LRRK1: variants seen among roughly 807,000 people sequenced by gnomAD.
LRRK1 encodes leucine-rich repeat serine/threonine-protein kinase 1.
In LRRK1, 113 loss-of-function variants were observed where a neutral mutation model predicts 209.1. That is an observed-to-expected ratio of 0.54 (90% CI 0.46 to 0.63). The LOEUF is 0.63. Ranked by LOEUF, LRRK1 falls within the 30% of genes least tolerant of loss-of-function variation. The probability of loss-of-function intolerance (pLI) is 0.00; values close to 1 mark genes in which losing one functional copy is unlikely to be tolerated. For missense variants in LRRK1, 2,284 were observed against 2,632.2 expected, an observed-to-expected ratio of 0.87 and a Z score of 2.89; for synonymous variants, 1,144 against 1,099.7, an observed-to-expected ratio of 1.04 and a Z score of -0.80.
At chr15:101,057,657 T>C (rs559731024) in intron 28 of LRRK1, among the ~76,000 whole-genome samples, 4 of 152,166 alleles carry the variant, frequency 2.6e-5, no homozygotes, top group Non-Finnish European at 4.4e-5. Context: ...TAGGCTATGG[T>C]GCGCCCTGAT....
chr15:101,065,231 G>A (rs981472757), intron 31 of LRRK1, 121 bp from the exon 32 acceptor site: 19 of 1,178,226 alleles, frequency 1.6e-5, no homozygotes, highest in African/African-American at 9.1e-5. Flanking sequence ...GCCCTGAGGC[G>A]CACTGGTGGA....
At chr15:100,973,479 G>A (rs528906005) in intron 2 of LRRK1, among the ~76,000 whole-genome samples, 1 of 152,178 alleles carries the variant, frequency 6.6e-6, no homozygotes, top group Non-Finnish European at 1.5e-5. Flanking sequence ...AAGCCCCTGC[G>A]CCTCCGCTGC....
At chr15:101,012,198 T>A in intron 10 of LRRK1, 53 bp downstream of exon 10, 1 of 1,479,520 alleles carries the variant, frequency 6.8e-7, no homozygotes, top group Non-Finnish European at 9.2e-7. Context: ...AGAAAATTGC[T>A]CCGTGTTGCA....
At position 101,072,229 on chromosome 15, in the gene LRRK1, A is replaced by G. The variant is rs1290082950; in HGVS notation, c.*3381A>G. 3 of 152,228 alleles carry G rather than the reference A, an allele frequency of 2.0e-5. No homozygotes were observed. Among genetic ancestry groups the G allele is most frequent in the Non-Finnish European group, 4.4e-5 (3 of 68,044 alleles). The allele number at this position is 152,228 out of a possible 1,614,324, so 9.4% of individuals were successfully genotyped here. ...CCCTCTGACCCAGCAGTTCCACTTAAGTATTTGGTCCTGAAATCTTGGTAA... is the reference window on the plus strand; with the variant it reads ...CCCTCTGACCCAGCAGTTCCACTTAGGTATTTGGTCCTGAAATCTTGGTAA... On this transcript the variant is annotated 3_prime_UTR_variant, in exon 34 of 34. Coordinates refer to ENST00000388948, the MANE Select transcript of LRRK1 (RefSeq NM_024652.6).
At chr15:101,000,131 C>G (rs1404253640) in intron 6 of LRRK1, among the ~76,000 whole-genome samples, 2 of 152,068 alleles carry the variant, frequency 1.3e-5, no homozygotes, top group Non-Finnish European at 2.9e-5. Context: ...AAACTGTCCC[C>G]CATTTTCTTG....
intron 2 of LRRK1, among the ~76,000 whole-genome samples, chr15:100,930,985 G>T (rs2141597776): frequency 6.6e-6 from 1 of 152,324 alleles, no homozygotes; most frequent in East Asian, 1.9e-4. Context: ...CCAATTCTGA[G>T]TCCCTTCACT....
chr15:101,008,459 G>C (rs1345395220), intron 6 of LRRK1, among the ~76,000 whole-genome samples: 1 of 152,188 alleles, frequency 6.6e-6, no homozygotes, highest in Non-Finnish European at 1.5e-5. Context: ...TTCTTCTCCA[G>C]TCTGGGGGAG....
intron 6 of LRRK1, among the ~76,000 whole-genome samples, chr15:101,007,433 TCC>T (rs1207570044): frequency 6.6e-6 from 1 of 152,156 alleles, no homozygotes; most frequent in Non-Finnish European, 1.5e-5. Flanking sequence ...TTTCGCCAGG[TCC>T]CTTTGACCAC....
chr15:100,943,351 C>A (rs528156645), intron 2 of LRRK1, among the ~76,000 whole-genome samples: 82 of 152,272 alleles, frequency 5.4e-4, no homozygotes, highest in Non-Finnish European at 9.7e-4. Context: ...GTAAGCAGAG[C>A]TAATACTAGC....
chr15:101,051,438 G>T (rs370430711), intron 23 of LRRK1, among the ~76,000 whole-genome samples: 2 of 151,976 alleles, frequency 1.3e-5, no homozygotes, highest in African/African-American at 4.8e-5. Flanking sequence ...CTCCTCTCAG[G>T]CCCCCCAGCC....
chr15:101,055,869 A>C (rs939170141), intron 27 of LRRK1, among the ~76,000 whole-genome samples: 1 of 152,224 alleles, frequency 6.6e-6, no homozygotes, highest in Non-Finnish European at 1.5e-5. Flanking sequence ...TTAATTGATC[A>C]CCCAGCATTA....
intron 2 of LRRK1, among the ~76,000 whole-genome samples, chr15:100,929,111 C>T (rs2042164619): frequency 6.6e-6 from 1 of 152,158 alleles, no homozygotes; most frequent in South Asian, 2.1e-4. Context: ...TGTCTGACAC[C>T]AGCCAGAGTG....
chr15:100,929,555 A>C (rs1161360918), intron 2 of LRRK1, among the ~76,000 whole-genome samples: 1 of 152,200 alleles, frequency 6.6e-6, no homozygotes, highest in African/African-American at 2.4e-5. Flanking sequence ...CAGAAATAGA[A>C]CTAGGAAATA....
intron 2 of LRRK1, among the ~76,000 whole-genome samples, chr15:100,961,616 G>A (rs537374004): frequency 1.4e-5 from 2 of 147,820 alleles, no homozygotes; most frequent in Admixed American, 6.8e-5. Flanking sequence ...TCGCGCCACC[G>A]CACTCCAGCC....
At chr15:101,011,959 A>T (rs748800096) in intron 9 of LRRK1, 49 bp from the exon 10 acceptor site, 2 of 1,394,782 alleles carry the variant, frequency 1.4e-6, no homozygotes, top group South Asian at 2.6e-5. Context: ...GCACCACTGC[A>T]TTTAAAGAGC....
chr15:101,043,612 G>GTGTGTA (rs555528097), intron 20 of LRRK1: 1 of 150,466 alleles, frequency 6.6e-6, no homozygotes, highest in East Asian at 2.1e-4. Context: ...TATTTATAAT[G>GTGTGTA]TGTGTGTGTG....
At chr15:100,951,982 TAATAA>T (rs963314076) in intron 2 of LRRK1, among the ~76,000 whole-genome samples, 1 of 149,880 alleles carries the variant, frequency 6.7e-6, no homozygotes, top group Non-Finnish European at 1.5e-5. Flanking sequence ...ATAATAATAA[TAATAA>T]AATAATAGTA....
chr15:100,973,323 G>C (rs2031057872), intron 2 of LRRK1, among the ~76,000 whole-genome samples: 1 of 152,226 alleles, frequency 6.6e-6, no homozygotes, highest in African/African-American at 2.4e-5. Flanking sequence ...AGTGAGGGCG[G>C]CTGATTTAAA....
intron 2 of LRRK1, 65 bp downstream of exon 2, chr15:100,924,794 C>A: frequency 8.1e-7 from 1 of 1,231,460 alleles, no homozygotes; most frequent in Non-Finnish European, 1.2e-6. Context: ...TGCAGGGTGT[C>A]TAGGCTATGT....
Sources: allele counts gnomAD v4.1 joint callset (sites outside exome capture counted in the v4.1 genomes callset), GRCh38; gene constraint gnomAD v4.1.1; transcripts MANE v1.5; gene names NCBI Gene and HGNC (gene_info 2026-07-23, HGNC 2026-07-21).